TAF3: variants seen among roughly 807,000 people sequenced by gnomAD.
TAF3 encodes TATA-box binding protein associated factor 3, also known as transcription initiation factor TFIID subunit 3.
Under a neutral mutation model 80.6 loss-of-function variants are expected in TAF3, and 7 were observed. That is an observed-to-expected ratio of 0.09 (90% CI 0.05 to 0.16). TAF3 has a LOEUF of 0.16. Among genes scored for constraint, TAF3 ranks in the 10% least tolerant of loss-of-function variants. The pLI, the probability that TAF3 is intolerant of heterozygous loss-of-function variation, is 1.00. For missense variants in TAF3, 921 were observed against 1,140.2 expected, an observed-to-expected ratio of 0.81 and a Z score of 2.77; for synonymous variants, 444 against 446.1, an observed-to-expected ratio of 1.00 and a Z score of 0.06.
At chr10:7,899,968 T>TC (rs1286626020) in intron 2 of TAF3, among the ~76,000 whole-genome samples, 1 of 152,214 alleles carries the variant, frequency 6.6e-6, no homozygotes, top group East Asian at 1.9e-4. Flanking sequence ...AGATTGCCTT[T>TC]CCCCTCGTTT....
At chr10:7,984,511 T>A (rs1033263331) in intron 4 of TAF3, among the ~76,000 whole-genome samples, 6 of 152,224 alleles carry the variant, frequency 3.9e-5, no homozygotes, top group Admixed American at 6.5e-5. Context: ...GAATAAAAGG[T>A]CAGCTAGTAA....
rs6602272 is a variant in TAF3, at chr10:7,831,506, C to T, written c.409+6946C>T. On this transcript the variant is annotated intron_variant, in intron 2 of 6. Coordinates refer to ENST00000344293, the MANE Select transcript of TAF3 (RefSeq NM_031923.4). ...GATTACAGGCATGTGCCACCACGCC[C>T]GGCTAATTTTTGTATTTTTAGTAGA... Among the ~76,000 whole-genome samples, 1,459 of 152,192 alleles carry T rather than the reference C, an allele frequency of 9.6e-3. 19 individuals are homozygous for T. The highest frequency in any genetic ancestry group is 0.033 in the African/African-American group (1,386 of 41,514).
intron 2 of TAF3, among the ~76,000 whole-genome samples, chr10:7,887,245 AAAAG>A (rs1332848191): frequency 4.7e-5 from 7 of 150,438 alleles, no homozygotes; most frequent in East Asian, 1.9e-4. Context: ...AAAAAAAAAA[AAAAG>A]AAAGAAAGCT....
intron 5 of TAF3, among the ~76,000 whole-genome samples, chr10:8,011,432 TTTTG>T (rs918377782): frequency 2.0e-5 from 3 of 151,912 alleles, no homozygotes; most frequent in African/African-American, 7.3e-5. Flanking sequence ...TCTTGGCTGT[TTTTG>T]TTTGTTTGTT....
chr10:7,869,773 G>A (rs1482244871), intron 2 of TAF3, among the ~76,000 whole-genome samples: 1 of 152,218 alleles, frequency 6.6e-6, no homozygotes, highest in Non-Finnish European at 1.5e-5. Context: ...CATCTGCAGT[G>A]CATATTATCC....
At chr10:7,938,542 G>C (rs1837946594) in intron 2 of TAF3, among the ~76,000 whole-genome samples, 1 of 146,338 alleles carries the variant, frequency 6.8e-6, no homozygotes, top group Non-Finnish European at 1.5e-5. Context: ...GAGAGAATTT[G>C]AACGGCCAGT....
At chr10:8,014,183 G>A (rs1832082322) in intron 6 of TAF3, among the ~76,000 whole-genome samples, 1 of 152,176 alleles carries the variant, frequency 6.6e-6, no homozygotes, top group African/African-American at 2.4e-5. Flanking sequence ...AAGAGGCAGC[G>A]CCTTTGTAAA....
chr10:7,978,974 A>C (rs1831698361), intron 4 of TAF3, among the ~76,000 whole-genome samples: 1 of 151,432 alleles, frequency 6.6e-6, no homozygotes, highest in Non-Finnish European at 1.5e-5. Flanking sequence ...CCAGGAGTTC[A>C]AGGCTGCAGT....
At chr10:7,976,581 A>AT (rs1352369722) in intron 3 of TAF3, among the ~76,000 whole-genome samples, 2 of 151,848 alleles carry the variant, frequency 1.3e-5, no homozygotes, top group East Asian at 3.9e-4. Flanking sequence ...CGCCCAGCTA[A>AT]TTTTTTGTAT....
intron 2 of TAF3, among the ~76,000 whole-genome samples, chr10:7,956,330 CAA>C (rs936058975): frequency 7.9e-5 from 12 of 151,866 alleles, no homozygotes; most frequent in African/African-American, 2.9e-4. Flanking sequence ...CTACTAAAAA[CAA>C]AAAAGTTAGC....
intron 2 of TAF3, among the ~76,000 whole-genome samples, chr10:7,958,479 G>C (rs1838157736): frequency 6.7e-6 from 1 of 149,336 alleles, no homozygotes; most frequent in South Asian, 2.2e-4. Flanking sequence ...GAAACATAAT[G>C]TTGGGTAAAA....
At chr10:7,822,794 G>T (rs904179685) in intron 1 of TAF3, among the ~76,000 whole-genome samples, 2 of 152,134 alleles carry the variant, frequency 1.3e-5, no homozygotes, top group Admixed American at 1.3e-4. Flanking sequence ...ATCAGAAAAT[G>T]GAATTTTCAT....
Position 8,015,095 on chromosome 10 carries a change from G to A in TAF3, c.*344G>A, listed in dbSNP as rs1209412655. The A allele has an allele frequency of 1.7e-5, 3 of 181,112 alleles. No homozygotes were observed. Among genetic ancestry groups the A allele is most frequent in the Non-Finnish European group, 3.5e-5 (3 of 84,718 alleles). The allele number at this position is 181,112 out of a possible 1,614,324, so 11.2% of individuals were successfully genotyped here. A position where few individuals can be genotyped will look rare whatever the true frequency, so the allele number is the denominator to read the frequency against. ...ATTCTCTCCAGGGCCTTTTCATTGAGGTATTAGATGAGAAGATAATGTACA... is the reference window on the plus strand; with the variant it reads ...ATTCTCTCCAGGGCCTTTTCATTGAAGTATTAGATGAGAAGATAATGTACA... On this transcript the variant is annotated 3_prime_UTR_variant, in exon 7 of 7. Transcript: ENST00000344293.
chr10:7,913,579 A>G (rs1372117660), intron 2 of TAF3, among the ~76,000 whole-genome samples: 1 of 152,188 alleles, frequency 6.6e-6, no homozygotes, highest in African/African-American at 2.4e-5. Context: ...TGGCAAACCT[A>G]TCTGTATAAA....
chr10:7,982,988 C>T (rs1316228611), intron 4 of TAF3, among the ~76,000 whole-genome samples: 1 of 151,870 alleles, frequency 6.6e-6, no homozygotes, highest in Non-Finnish European at 1.5e-5. Flanking sequence ...CTCTTGGTGG[C>T]AAGTAACAGA....
chr10:7,919,186 G>A (rs555919042), intron 2 of TAF3, among the ~76,000 whole-genome samples: 9 of 152,276 alleles, frequency 5.9e-5, no homozygotes, highest in Admixed American at 5.2e-4. Flanking sequence ...GGATGTCCTA[G>A]GAGGCCTAGC....
At chr10:7,882,596 A>G (rs954533787) in intron 2 of TAF3, among the ~76,000 whole-genome samples, 1 of 152,180 alleles carries the variant, frequency 6.6e-6, no homozygotes, top group African/African-American at 2.4e-5. Flanking sequence ...AAAATTACTC[A>G]GGGGTATACT....
chr10:7,855,951 A>T (rs904724510), intron 2 of TAF3, among the ~76,000 whole-genome samples: 10 of 151,846 alleles, frequency 6.6e-5, no homozygotes, highest in Non-Finnish European at 1.5e-4. Flanking sequence ...CAAAAAAAAA[A>T]TAAGCGTAAT....
chr10:7,899,440 T>C (rs901760986), intron 2 of TAF3, among the ~76,000 whole-genome samples: 5 of 152,192 alleles, frequency 3.3e-5, no homozygotes, highest in Non-Finnish European at 7.4e-5. Context: ...CATGATTCTG[T>C]CCTGAGGAGC....
Sources: gnomAD v4.1 joint callset for allele counts (sites outside exome capture counted in the v4.1 genomes callset) on GRCh38, gnomAD v4.1.1 for gene constraint, MANE v1.5 for transcripts, NCBI Gene and HGNC (gene_info 2026-07-23, HGNC 2026-07-21) for gene names.